AGBL4: variants seen among roughly 807,000 people sequenced by gnomAD.
AGBL4 encodes AGBL carboxypeptidase 4, also known as cytosolic carboxypeptidase 6.
Under a neutral mutation model 66.4 loss-of-function variants are expected in AGBL4, and 58 were observed. The ratio of observed to expected loss-of-function variants is 0.87; its 90% CI spans 0.71 to 1.09. The LOEUF (loss-of-function observed/expected upper bound fraction) is 1.09, where lower values mean the gene tolerates loss of function less well. Ranked by LOEUF, AGBL4 falls within the 50% of genes least tolerant of loss-of-function variation. The probability of loss-of-function intolerance (pLI) is 0.00; values close to 1 mark genes in which losing one functional copy is unlikely to be tolerated. For missense variants in AGBL4, 579 were observed against 631.0 expected, an observed-to-expected ratio of 0.92 and a Z score of 0.88; for synonymous variants, 234 against 222.9, an observed-to-expected ratio of 1.05 and a Z score of -0.44.
At chr1:49,875,112 T>A (rs1571768870) in intron 1 of AGBL4, among the ~76,000 whole-genome samples, 1 of 149,706 alleles carries the variant, frequency 6.7e-6, no homozygotes, top group Non-Finnish European at 1.5e-5. Flanking sequence ...TTACTAAGAA[T>A]GATGATTTCC....
At chr1:49,706,872 C>G (rs186411895) in intron 2 of AGBL4, among the ~76,000 whole-genome samples, 31 of 152,256 alleles carry the variant, frequency 2.0e-4, no homozygotes, top group Admixed American at 1.8e-3. Context: ...GTATCTTAAT[C>G]TTGAACTCTA....
chr1:49,121,192 C>A (rs970338072), intron 4 of AGBL4, among the ~76,000 whole-genome samples: 10 of 152,162 alleles, frequency 6.6e-5, no homozygotes, highest in Admixed American at 1.3e-4. Flanking sequence ...TACCAACCTT[C>A]TGAAGGCTAC....
At chr1:49,583,471 C>T (rs1644585607) in intron 3 of AGBL4, among the ~76,000 whole-genome samples, 2 of 152,130 alleles carry the variant, frequency 1.3e-5, no homozygotes. Flanking sequence ...GGAGGGGTGT[C>T]ATCAAAATTA....
intron 3 of AGBL4, among the ~76,000 whole-genome samples, chr1:49,655,874 C>T (rs183292136): frequency 7.9e-5 from 12 of 152,214 alleles, no homozygotes; most frequent in African/African-American, 1.4e-4. Context: ...GGGTGCTGGG[C>T]GTGGTGGCTA....
intron 3 of AGBL4, among the ~76,000 whole-genome samples, chr1:49,672,865 G>A (rs1428836200): frequency 6.9e-6 from 1 of 145,100 alleles, no homozygotes. Context: ...AGGTTGCAGT[G>A]AGCTGAGATC....
At chr1:49,574,350 A>G (rs1265034337) in intron 3 of AGBL4, among the ~76,000 whole-genome samples, 1 of 152,184 alleles carries the variant, frequency 6.6e-6, no homozygotes, top group African/African-American at 2.4e-5. Context: ...AGGTTCTAAC[A>G]GTTTATTTGC....
At chr1:48,996,975 T>G (rs952141284) in intron 5 of AGBL4, among the ~76,000 whole-genome samples, 1 of 152,068 alleles carries the variant, frequency 6.6e-6, no homozygotes, top group Non-Finnish European at 1.5e-5. Context: ...CAGCCTGGAG[T>G]GCAATGGTGC....
At chr1:48,931,753 C>T (rs543013512) in intron 5 of AGBL4, among the ~76,000 whole-genome samples, 1 of 152,296 alleles carries the variant, frequency 6.6e-6, no homozygotes, top group South Asian at 2.1e-4. Flanking sequence ...AAGCGATCTG[C>T]CAGCTTCGGC....
intron 2 of AGBL4, among the ~76,000 whole-genome samples, chr1:49,758,736 T>C (rs901744464): frequency 4.6e-5 from 7 of 151,232 alleles, no homozygotes; most frequent in African/African-American, 1.7e-4. Flanking sequence ...AACAGGCTCA[T>C]AGATGGAAGG....
At chr1:49,682,087 TAA>T (rs2124563855) in intron 3 of AGBL4, among the ~76,000 whole-genome samples, 1 of 152,290 alleles carries the variant, frequency 6.6e-6, no homozygotes, top group African/African-American at 2.4e-5. Context: ...TCTATTAATT[TAA>T]GAGTCAAGAT....
chr1:49,210,361 T>A (rs1443864590), intron 4 of AGBL4, among the ~76,000 whole-genome samples: 1 of 152,106 alleles, frequency 6.6e-6, no homozygotes, highest in African/African-American at 2.4e-5. Context: ...AGCTTCTGAT[T>A]GCTCCACTGT....
At chr1:49,687,399 A>G (rs1646806141) in intron 3 of AGBL4, among the ~76,000 whole-genome samples, 2 of 152,210 alleles carry the variant, frequency 1.3e-5, no homozygotes, top group South Asian at 4.1e-4. Context: ...ACTTAATAAT[A>G]GGAATAGTTA....
chr1:49,107,380 A>C (rs1330188266), intron 4 of AGBL4, among the ~76,000 whole-genome samples: 2 of 152,178 alleles, frequency 1.3e-5, no homozygotes, highest in Non-Finnish European at 2.9e-5. Flanking sequence ...TAATATTTTC[A>C]ACTTACAATA....
At chr1:48,554,796 T>A (rs1464765991) in intron 11 of AGBL4, among the ~76,000 whole-genome samples, 1 of 152,224 alleles carries the variant, frequency 6.6e-6, no homozygotes, top group East Asian at 1.9e-4. Context: ...AGATGTCACC[T>A]TTCTAATACC....
intron 1 of AGBL4, among the ~76,000 whole-genome samples, chr1:49,949,562 T>C (rs557583636): frequency 4.6e-5 from 7 of 152,002 alleles, no homozygotes; most frequent in Admixed American, 3.3e-4. Flanking sequence ...AATAGACAGT[T>C]ATCAAAAGAA....
At chr1:49,229,710 T>C (rs191600298) in intron 4 of AGBL4, among the ~76,000 whole-genome samples, 1 of 152,284 alleles carries the variant, frequency 6.6e-6, no homozygotes, top group Non-Finnish European at 1.5e-5. Context: ...GGAACACAAA[T>C]ATGCTGAGCA....
At chr1:49,586,983 T>C (rs974944928) in intron 3 of AGBL4, among the ~76,000 whole-genome samples, 1 of 152,128 alleles carries the variant, frequency 6.6e-6, no homozygotes, top group East Asian at 1.9e-4. Context: ...CCTACTCACC[T>C]TTAAAGCCTT....
At chr1:49,452,627 G>T (rs1345750387) in intron 3 of AGBL4, among the ~76,000 whole-genome samples, 2 of 151,606 alleles carry the variant, frequency 1.3e-5, no homozygotes, top group Non-Finnish European at 2.9e-5. Flanking sequence ...TCATCTACCT[G>T]AGATGTTCTG....
chr1:49,962,595 A>G (rs1657208377), intron 1 of AGBL4, among the ~76,000 whole-genome samples: 1 of 152,158 alleles, frequency 6.6e-6, no homozygotes. Context: ...TTTTCATTCA[A>G]TAAATACTTA....
Sources: gnomAD v4.1 joint callset for allele counts (sites outside exome capture counted in the v4.1 genomes callset) on GRCh38, gnomAD v4.1.1 for gene constraint, MANE v1.5 for transcripts, NCBI Gene and HGNC (gene_info 2026-07-23, HGNC 2026-07-21) for gene names.